Variants in NRXN1 observed in about 807,000 individuals in gnomAD.
NRXN1 encodes the protein neurexin-1.
A neutral mutation model predicts 150.9 loss-of-function variants in NRXN1; 39 were observed. The observed-to-expected ratio is 0.26, with a 90% confidence interval of 0.20 to 0.34. The LOEUF (loss-of-function observed/expected upper bound fraction) is 0.34, where lower values mean the gene tolerates loss of function less well. Among genes scored for constraint, NRXN1 ranks in the 10% least tolerant of loss-of-function variants. The pLI is 1.00. For missense variants in NRXN1, 1,815 were observed against 1,949.9 expected (o/e 0.93, Z 1.30); for synonymous variants, 924 against 757.0 (o/e 1.22, Z -3.62).
chr2:50,333,126 C>T (rs1169981009), intron 17 of NRXN1, among the ~76,000 whole-genome samples: 1 of 152,080 alleles, frequency 6.6e-6, no homozygotes, highest in Non-Finnish European at 1.5e-5. Flanking sequence ...TCATTGATCT[C>T]CTTGATCTAC....
chr2:50,918,471 G>T, intron 5 of NRXN1: 1 of 342,096 alleles, frequency 2.9e-6, no homozygotes, highest in South Asian at 1.5e-4. Flanking sequence ...CAATTATGAT[G>T]ACTTATGAAG....
At chr2:50,776,062 C>A (rs1273361837) in intron 5 of NRXN1, among the ~76,000 whole-genome samples, 4 of 152,078 alleles carry the variant, frequency 2.6e-5, no homozygotes, top group South Asian at 4.1e-4. Context: ...TAAAATCATT[C>A]TATGAACAAA....
At chr2:50,728,408 A>T (rs1331181148) in intron 5 of NRXN1, among the ~76,000 whole-genome samples, 1 of 152,186 alleles carries the variant, frequency 6.6e-6, no homozygotes, top group Non-Finnish European at 1.5e-5. Context: ...AATTGCACAC[A>T]AAGTATTCAA....
chr2:50,266,536 T>TATACACACAC (rs749472516), intron 17 of NRXN1, among the ~76,000 whole-genome samples: 2 of 112,800 alleles, frequency 1.8e-5, no homozygotes, highest in African/African-American at 6.4e-5. Flanking sequence ...TGTATATAAA[T>TATACACACAC]ACACACACAC....
At chr2:50,797,550 T>C (rs1347556468) in intron 5 of NRXN1, among the ~76,000 whole-genome samples, 1 of 152,138 alleles carries the variant, frequency 6.6e-6, no homozygotes, top group Non-Finnish European at 1.5e-5. Context: ...AGCTAGATCA[T>C]GGGTAGACTT....
At chr2:50,263,100 C>T (rs1303061172) in intron 17 of NRXN1, among the ~76,000 whole-genome samples, 1 of 151,580 alleles carries the variant, frequency 6.6e-6, no homozygotes, top group Non-Finnish European at 1.5e-5. Flanking sequence ...CTTTAAAGCA[C>T]TAATTGGAGA....
In NRXN1 at chr2:50,346,995, G is replaced by T; in HGVS notation, c.3365-110025C>A. ...GCAGCCGCCGCGGGAGGCAAAGTTT[G>T]GGGCGCGGGGAGAGGAGAGGGCGCA... On this transcript the variant is annotated intron_variant, in intron 17 of 22. Transcript: ENST00000401669. This position sits in a 1 kb window ranked among gnomAD's most constrained non-coding sequence, Gnocchi z 5.0. 7.3e-7 allele frequency: 1 copy of T among 1,362,360 alleles called. No individual in the cohort carries two copies. The highest frequency in any genetic ancestry group is 3.8e-5 in the East Asian group (1 of 26,082). The allele number at this position is 1,362,360 out of a possible 1,614,324, so 84.4% of individuals were successfully genotyped here.
intron 5 of NRXN1, among the ~76,000 whole-genome samples, chr2:50,812,678 T>C (rs1178073389): frequency 6.6e-6 from 1 of 150,870 alleles, no homozygotes; most frequent in Non-Finnish European, 1.5e-5. Flanking sequence ...ACATAATATA[T>C]AGAATTTCAT....
intron 17 of NRXN1, among the ~76,000 whole-genome samples, chr2:50,278,923 C>A (rs1056834911): frequency 6.6e-6 from 1 of 152,128 alleles, no homozygotes; most frequent in African/African-American, 2.4e-5. Context: ...AATAAAGCAC[C>A]TCTTAAAATA....
chr2:50,706,557 G>A (rs1460208409), intron 5 of NRXN1, among the ~76,000 whole-genome samples: 3 of 152,058 alleles, frequency 2.0e-5, no homozygotes, highest in Non-Finnish European at 4.4e-5. Flanking sequence ...ATGAACATTG[G>A]CTTTACAAGA....
chr2:50,379,057 T>C (rs1486251017), intron 17 of NRXN1, among the ~76,000 whole-genome samples: 2 of 151,968 alleles, frequency 1.3e-5, no homozygotes, highest in South Asian at 2.1e-4. Context: ...TCAAAAAACA[T>C]TTGTTTAATG....
intron 18 of NRXN1, among the ~76,000 whole-genome samples, chr2:50,176,333 A>T (rs1365654610): frequency 6.6e-6 from 1 of 152,146 alleles, no homozygotes. Flanking sequence ...CAAACAACTC[A>T]GTTTTGGAAA....
intron 17 of NRXN1, among the ~76,000 whole-genome samples, chr2:50,286,361 A>G (rs983397149): frequency 2.0e-5 from 3 of 152,056 alleles, no homozygotes; most frequent in African/African-American, 7.3e-5. Context: ...TTTCGAATCA[A>G]CATATGAGTG....
intron 17 of NRXN1, among the ~76,000 whole-genome samples, chr2:50,371,988 C>A (rs1460953355): frequency 6.6e-6 from 1 of 151,996 alleles, no homozygotes; most frequent in Non-Finnish European, 1.5e-5. Flanking sequence ...CATATTATTT[C>A]TTTCCTATAC....
At chr2:50,387,156 T>C (rs1400476715) in intron 17 of NRXN1, among the ~76,000 whole-genome samples, 1 of 152,182 alleles carries the variant, frequency 6.6e-6, no homozygotes, top group Non-Finnish European at 1.5e-5. Context: ...ACAATTTGTC[T>C]GGTATTGTAA....
At chr2:50,555,866 T>C (rs1668166291) in intron 8 of NRXN1, among the ~76,000 whole-genome samples, 1 of 152,168 alleles carries the variant, frequency 6.6e-6, no homozygotes, top group Non-Finnish European at 1.5e-5. Context: ...GGAAATTTCA[T>C]CTTCACACAC....
intron 18 of NRXN1, among the ~76,000 whole-genome samples, chr2:50,167,045 G>T (rs1429395945): frequency 3.9e-5 from 6 of 152,134 alleles, no homozygotes; most frequent in African/African-American, 1.4e-4. Context: ...TAATTTTTAT[G>T]TTAAGGAGAG....
At chr2:50,803,387 T>A (rs1340994078) in intron 5 of NRXN1, among the ~76,000 whole-genome samples, 1 of 152,226 alleles carries the variant, frequency 6.6e-6, no homozygotes, top group Admixed American at 6.5e-5. Context: ...CATGATCAAC[T>A]GAGTCATAAA....
At chr2:50,966,798 GA>G (rs149452739) in intron 2 of NRXN1, among the ~76,000 whole-genome samples, 1 of 151,798 alleles carries the variant, frequency 6.6e-6, no homozygotes, top group Non-Finnish European at 1.5e-5. Context: ...TAATTTCCTT[GA>G]AAAATGTGCT....
Sources: gnomAD v4.1 joint callset for allele counts (sites outside exome capture counted in the v4.1 genomes callset) on GRCh38, gnomAD v4.1.1 for gene constraint, Gnocchi (gnomAD v3.1) non-coding constraint, MANE v1.5 for transcripts, NCBI Gene and HGNC (gene_info 2026-07-23, HGNC 2026-07-21) for gene names.